MBNL2: variants seen among roughly 807,000 people sequenced by gnomAD.
MBNL2 encodes the protein muscleblind like splicing regulator 2, also known as muscleblind-like protein 2.
A neutral mutation model predicts 41.9 loss-of-function variants in MBNL2; 17 were observed. The observed-to-expected ratio is 0.41, with a 90% CI of 0.28 to 0.61. MBNL2 has a LOEUF of 0.61. MBNL2 is among the 20% of genes least tolerant of loss of function. The probability of loss-of-function intolerance (pLI) is 0.35; values close to 1 mark genes in which losing one functional copy is unlikely to be tolerated. For missense variants in MBNL2, 336 were observed against 505.6 expected, an observed-to-expected ratio of 0.66 and a Z score of 3.22; for synonymous variants, 195 against 182.9, an observed-to-expected ratio of 1.07 and a Z score of -0.53.
upstream of MBNL2, among the ~76,000 whole-genome samples, chr13:97,220,968 A>G (rs1032118849): frequency 6.6e-6 from 1 of 152,232 alleles, no homozygotes; most frequent in Non-Finnish European, 1.5e-5. Flanking sequence ...GAAAGCCTGC[A>G]AGTTAGGATA....
rs1425974106 is a variant in MBNL2, at chr13:97,366,403, A to G, written c.1048+1232A>G. 16 of 835,836 alleles carry G rather than the reference A, an allele frequency of 1.9e-5. No homozygotes were observed. In the Middle Eastern group the frequency reaches 6.7e-4, roughly 35 times the overall value. 51.8% of individuals were successfully genotyped at this position (835,836 alleles called of 1,614,324 possible). On this transcript the variant is annotated intron_variant, in intron 8 of 8. Transcript: ENST00000679496. The surrounding 1 kb of genome is among the most constrained non-coding windows in gnomAD (Gnocchi z 4.7). Reference sequence around the variant, plus strand: ...TTCACCATGCCAAAATACCACTTCTATTACCATAATGCTACACCCTCCTGT... The same window carrying G: ...TTCACCATGCCAAAATACCACTTCTGTTACCATAATGCTACACCCTCCTGT...
At chr13:97,252,069 C>T (rs2046663058) in intron 1 of MBNL2, among the ~76,000 whole-genome samples, 1 of 151,464 alleles carries the variant, frequency 6.6e-6, no homozygotes, top group South Asian at 2.1e-4. Flanking sequence ...CCAGGATGGT[C>T]TCGATCTCCT....
chr13:97,293,429 A>AT (rs1251509413), intron 2 of MBNL2, among the ~76,000 whole-genome samples: 2 of 152,158 alleles, frequency 1.3e-5, no homozygotes, highest in South Asian at 2.1e-4. Flanking sequence ...GCACTAAAGT[A>AT]TTTTTTTGGT....
chr13:97,383,188 T>C (rs1396685570), intron 8 of MBNL2, among the ~76,000 whole-genome samples: 1 of 152,190 alleles, frequency 6.6e-6, no homozygotes, highest in Admixed American at 6.5e-5. Flanking sequence ...ATCCTCAGAA[T>C]TCCCCCAGGG....
chr13:97,341,174 T>C (rs976173233), intron 3 of MBNL2, among the ~76,000 whole-genome samples: 3 of 152,156 alleles, frequency 2.0e-5, no homozygotes, highest in African/African-American at 7.2e-5. Context: ...GCTCCCCAAA[T>C]TTGGCCATGC....
intron 2 of MBNL2, among the ~76,000 whole-genome samples, chr13:97,296,742 A>G (rs143129888): frequency 1.1e-3 from 162 of 152,332 alleles, no homozygotes; most frequent in African/African-American, 3.5e-3. Flanking sequence ...TTTGACATAC[A>G]TACTAGAAAA....
intron 1 of MBNL2, among the ~76,000 whole-genome samples, chr13:97,253,961 C>G (rs2047065122): frequency 6.6e-6 from 1 of 152,106 alleles, no homozygotes; most frequent in Non-Finnish European, 1.5e-5. Flanking sequence ...ATGATCTTCG[C>G]TCACTGCAAC....
intron 2 of MBNL2, among the ~76,000 whole-genome samples, chr13:97,277,182 G>A (rs1483318598): frequency 6.6e-6 from 1 of 152,184 alleles, no homozygotes; most frequent in Non-Finnish European, 1.5e-5. Context: ...GTTGGGTGGA[G>A]TTAGGAGGAT....
chr13:97,347,171 T>C (rs898971737), intron 5 of MBNL2, 104 bp downstream of exon 5: 4 of 860,438 alleles, frequency 4.6e-6, no homozygotes, highest in Non-Finnish European at 6.8e-6. Flanking sequence ...CATGGAAGGC[T>C]GCTATTCCTG....
intron 7 of MBNL2, among the ~76,000 whole-genome samples, chr13:97,362,326 A>G (rs2063480776): frequency 6.6e-6 from 1 of 152,166 alleles, no homozygotes; most frequent in Non-Finnish European, 1.5e-5. Context: ...CTCAACCTGT[A>G]CTATGAATGA....
At chr13:97,313,305 T>C (rs1411741410) in intron 2 of MBNL2, among the ~76,000 whole-genome samples, 1 of 152,198 alleles carries the variant, frequency 6.6e-6, no homozygotes. Context: ...GAAGCAATTT[T>C]CAATGGTTTT....
chr13:97,204,484 A>G, the MBNL2 span, among the ~76,000 whole-genome samples: 1 of 152,270 alleles, frequency 6.6e-6, no homozygotes, highest in African/African-American at 2.4e-5. Flanking sequence ...AGCCATTAGC[A>G]AAGTATTACC....
chr13:97,219,453 A>C (rs1034267525), upstream of MBNL2, among the ~76,000 whole-genome samples: 1 of 152,202 alleles, frequency 6.6e-6, no homozygotes, highest in African/African-American at 2.4e-5. Flanking sequence ...ATACAACAGA[A>C]GTTTGTTTTC....
chr13:97,190,999 A>C, the MBNL2 span, among the ~76,000 whole-genome samples: 2 of 152,130 alleles, frequency 1.3e-5, no homozygotes, highest in Non-Finnish European at 2.9e-5. Flanking sequence ...AAACAAGTCA[A>C]ATGAAACTAA....
At chr13:97,242,213 C>T (rs2044430798) in intron 1 of MBNL2, among the ~76,000 whole-genome samples, 1 of 152,146 alleles carries the variant, frequency 6.6e-6, no homozygotes, top group Non-Finnish European at 1.5e-5. Context: ...ACCCAAAAGG[C>T]AATGTTCTTC....
At chr13:97,292,138 T>G (rs368805293) in intron 2 of MBNL2, among the ~76,000 whole-genome samples, 2 of 146,510 alleles carry the variant, frequency 1.4e-5, no homozygotes, top group Non-Finnish European at 3.0e-5. Flanking sequence ...GACGCGGAGC[T>G]TGAAGTGAGC....
At chr13:97,201,014 T>C in the MBNL2 span, among the ~76,000 whole-genome samples, 4 of 152,174 alleles carry the variant, frequency 2.6e-5, no homozygotes, top group Admixed American at 6.5e-5. Flanking sequence ...TCAGACCCTC[T>C]TCTCCCTCTG....
At chr13:97,316,068 C>CA (rs2059022743) in intron 2 of MBNL2, among the ~76,000 whole-genome samples, 1 of 152,238 alleles carries the variant, frequency 6.6e-6, no homozygotes, top group Non-Finnish European at 1.5e-5. Context: ...ACCTCTCTTT[C>CA]AATGTCTTAT....
At chr13:97,328,669 C>T (rs990405547) in intron 2 of MBNL2, among the ~76,000 whole-genome samples, 2 of 152,188 alleles carry the variant, frequency 1.3e-5, no homozygotes, top group African/African-American at 4.8e-5. Context: ...CAGCGGAATA[C>T]AAATGGCGGG....
Sources: allele counts gnomAD v4.1 joint callset (sites outside exome capture counted in the v4.1 genomes callset), GRCh38; gene constraint gnomAD v4.1.1; non-coding constraint Gnocchi (gnomAD v3.1); transcripts MANE v1.5; gene names NCBI Gene and HGNC (gene_info 2026-07-23, HGNC 2026-07-21).